Variants in CTNNA3 observed in about 807,000 individuals in gnomAD.
CTNNA3 encodes the protein catenin alpha 3.
Under a neutral mutation model 95.7 loss-of-function variants are expected in CTNNA3, and 76 were observed. That is an observed-to-expected ratio of 0.79 (90% CI 0.66 to 0.96). The LOEUF is 0.96. Ranked by LOEUF, CTNNA3 falls within the 40% of genes least tolerant of loss-of-function variation. The pLI, the probability that CTNNA3 is intolerant of heterozygous loss-of-function variation, is 0.00. For synonymous variants in CTNNA3, 431 were observed against 374.4 expected (o/e 1.15, Z -1.74); for missense variants, 1,191 against 1,089.8 (o/e 1.09, Z -1.31).
In CTNNA3 at chr10:67,181,693, TCTTATA is replaced by T. The variant is rs377699975; in HGVS notation, c.844-1179_844-1174del. Reference sequence around the variant, plus strand: ...TATGTGTGTGTGTTTATATATAAAATCTTATACTTATCATTGTGTTACATTACATTC... The same window carrying T: ...TATGTGTGTGTGTTTATATATAAAATCTTATCATTGTGTTACATTACATTC... On this transcript the variant is annotated intron_variant, in intron 6 of 17. Transcript: ENST00000433211. Among the ~76,000 whole-genome samples, 1,088 of 152,232 alleles carry T rather than the reference TCTTATA, an allele frequency of 7.1e-3. 20 individuals are homozygous for T. Among genetic ancestry groups the T allele is most frequent in the African/African-American group, 0.025 (1,030 of 41,570 alleles).
intron 13 of CTNNA3, among the ~76,000 whole-genome samples, chr10:66,204,971 C>T (rs1218737334): frequency 1.3e-5 from 2 of 152,070 alleles, no homozygotes; most frequent in Non-Finnish European, 2.9e-5. Context: ...AAGAATCTAT[C>T]AATATCAATA....
intron 5 of CTNNA3, among the ~76,000 whole-genome samples, chr10:67,391,795 G>A (rs1454943472): frequency 2.0e-5 from 3 of 151,046 alleles, no homozygotes; most frequent in Non-Finnish European, 4.4e-5. Flanking sequence ...AGAAAAACAA[G>A]CAATGGGGAA....
chr10:66,996,508 C>T (rs1379370892), intron 7 of CTNNA3, among the ~76,000 whole-genome samples: 3 of 151,688 alleles, frequency 2.0e-5, no homozygotes, highest in East Asian at 1.9e-4. Context: ...ACTAGCCGGG[C>T]GTGGTGGCGC....
intron 5 of CTNNA3, among the ~76,000 whole-genome samples, chr10:67,477,606 G>A (rs141934339): frequency 2.2e-3 from 330 of 152,294 alleles, no homozygotes; most frequent in African/African-American, 5.5e-3. Context: ...ACCCATCATT[G>A]TCTACAGTCA....
intron 7 of CTNNA3, among the ~76,000 whole-genome samples, chr10:66,889,985 T>A (rs1305421896): frequency 6.6e-6 from 1 of 152,112 alleles, no homozygotes; most frequent in Non-Finnish European, 1.5e-5. Context: ...GAAATGGGGT[T>A]TCACCATGTT....
chr10:65,960,339 A>G (rs1750658845), intron 17 of CTNNA3, among the ~76,000 whole-genome samples: 2 of 152,004 alleles, frequency 1.3e-5, no homozygotes. Flanking sequence ...GGTCGAGACC[A>G]CGGTGAAACC....
intron 13 of CTNNA3, among the ~76,000 whole-genome samples, chr10:66,206,271 GA>G (rs2131934612): frequency 6.6e-6 from 1 of 152,008 alleles, no homozygotes; most frequent in South Asian, 2.1e-4. Context: ...CTATTTCTGG[GA>G]TATTATCTAA....
chr10:66,393,377 A>G (rs2132536309), intron 11 of CTNNA3, among the ~76,000 whole-genome samples: 1 of 152,232 alleles, frequency 6.6e-6, no homozygotes, highest in Non-Finnish European at 1.5e-5. Flanking sequence ...TTTACATAAT[A>G]ATAATGTATC....
intron 13 of CTNNA3, among the ~76,000 whole-genome samples, chr10:66,140,884 ATTG>A (rs1228558279): frequency 1.3e-5 from 2 of 152,080 alleles, no homozygotes; most frequent in Non-Finnish European, 2.9e-5. Flanking sequence ...AGATTTTGTC[ATTG>A]TTGTTGCTGT....
chr10:67,046,174 T>A (rs1854731788), intron 7 of CTNNA3, among the ~76,000 whole-genome samples: 1 of 152,228 alleles, frequency 6.6e-6, no homozygotes, highest in Non-Finnish European at 1.5e-5. Context: ...CATATTAGAA[T>A]GTAGAATTAT....
chr10:66,952,777 T>A (rs1482224945), intron 7 of CTNNA3, among the ~76,000 whole-genome samples: 1 of 151,980 alleles, frequency 6.6e-6, no homozygotes, highest in Non-Finnish European at 1.5e-5. Context: ...GCTTATGTCC[T>A]ACTAGTTGTT....
intron 15 of CTNNA3, among the ~76,000 whole-genome samples, chr10:66,043,484 C>T (rs567423074): frequency 3.7e-4 from 57 of 152,206 alleles, no homozygotes; most frequent in Non-Finnish European, 7.4e-4. Flanking sequence ...CAGTATCTGT[C>T]TTTTGCTATA....
At chr10:66,263,821 A>C (rs934429709) in intron 13 of CTNNA3, among the ~76,000 whole-genome samples, 1 of 151,948 alleles carries the variant, frequency 6.6e-6, no homozygotes, top group South Asian at 2.1e-4. Context: ...CTACTTGATC[A>C]TCTATATTCC....
In CTNNA3 at chr10:67,219,868, G is replaced by A. The variant is rs771872805; in HGVS notation, c.582C>T (p.Asp194=). The A allele has an allele frequency of 3.1e-6, 5 of 1,603,990 alleles. No individual in the cohort carries two copies. The highest frequency in any genetic ancestry group is 4.5e-5 in the East Asian group (2 of 44,650). ...CATCTCTCTGATTTGGAGATTTTAAGTCCTGAGAAGGTAAATAAAAAGAGT... is the reference window on the plus strand; with the variant it reads ...CATCTCTCTGATTTGGAGATTTTAAATCCTGAGAAGGTAAATAAAAAGAGT... ...LDYLAFKRQQ[D]LKSPNQRDEI... is the part of the protein sequence containing the mutation. Residue 194 remains aspartate, a splice_region_variant and synonymous_variant, in exon 6 of 18, where the codon GAC becomes GAT. Coordinates refer to ENST00000433211, the MANE Select transcript of CTNNA3 (RefSeq NM_013266.4).
At chr10:66,570,083 G>A (rs1436028658) in intron 10 of CTNNA3, among the ~76,000 whole-genome samples, 1 of 152,026 alleles carries the variant, frequency 6.6e-6, no homozygotes, top group Non-Finnish European at 1.5e-5. Context: ...TGAGGTGTAA[G>A]AGAAGTCATT....
Position 66,730,681 on chromosome 10 carries a change from C to T in CTNNA3, c.1281+35583G>A, listed in dbSNP as rs528263825. Among the ~76,000 whole-genome samples, 41 of 152,258 alleles carry T rather than the reference C, an allele frequency of 2.7e-4. No homozygotes were observed. In the South Asian group the frequency reaches 3.5e-3, roughly 13 times the overall value. On this transcript the variant is annotated intron_variant, in intron 9 of 17. Coordinates refer to ENST00000433211, the MANE Select transcript of CTNNA3 (RefSeq NM_013266.4). ...TCCTATGAGCTGGAATAATAAAAAC[C>T]AGAGTGATCTTTTATATCACATGGT...
At chr10:66,205,116 C>T (rs548972537) in intron 13 of CTNNA3, among the ~76,000 whole-genome samples, 1 of 152,152 alleles carries the variant, frequency 6.6e-6, no homozygotes, top group South Asian at 2.1e-4. Context: ...TTTCTGTCCA[C>T]TAATTAAGCT....
chr10:67,148,498 G>A (rs536129946), intron 7 of CTNNA3, among the ~76,000 whole-genome samples: 52 of 152,284 alleles, frequency 3.4e-4, no homozygotes, highest in South Asian at 1.0e-3. Context: ...ATGGGGTTAG[G>A]ATGGAATGAC....
chr10:66,618,814 G>A (rs1431163703), intron 10 of CTNNA3, among the ~76,000 whole-genome samples: 1 of 151,966 alleles, frequency 6.6e-6, no homozygotes, highest in Non-Finnish European at 1.5e-5. Context: ...CTACTCATCT[G>A]ACAAAGGGCT....
Sources: allele counts gnomAD v4.1 joint callset (sites outside exome capture counted in the v4.1 genomes callset), GRCh38; gene constraint gnomAD v4.1.1; transcripts MANE v1.5; gene names NCBI Gene and HGNC (gene_info 2026-07-23, HGNC 2026-07-21).